Variants in SPAG16 observed in about 807,000 individuals in gnomAD.
SPAG16 encodes sperm-associated antigen 16 protein.
Under a neutral mutation model 80.4 loss-of-function variants are expected in SPAG16, and 86 were observed. The observed-to-expected ratio is 1.07, with a 90% CI of 0.90 to 1.28. The LOEUF (loss-of-function observed/expected upper bound fraction) is 1.28, where lower values mean the gene tolerates loss of function less well. Ranked by LOEUF, SPAG16 falls within the 50% of genes most tolerant of loss-of-function variation. The probability of loss-of-function intolerance (pLI) is 0.00; values close to 1 mark genes in which losing one functional copy is unlikely to be tolerated. For missense variants in SPAG16, 870 were observed against 765.3 expected (o/e 1.14, Z -1.61); for synonymous variants, 294 against 265.9 (o/e 1.11, Z -1.03).
At chr2:214,346,387 G>A (rs1168979089) in intron 15 of SPAG16, among the ~76,000 whole-genome samples, 1 of 152,124 alleles carries the variant, frequency 6.6e-6, no homozygotes, top group Non-Finnish European at 1.5e-5. Flanking sequence ...CTATTATGAA[G>A]AATGCCTGAT....
intron 7 of SPAG16, among the ~76,000 whole-genome samples, chr2:213,357,468 A>G (rs2065723189): frequency 6.6e-6 from 1 of 152,182 alleles, no homozygotes; most frequent in African/African-American, 2.4e-5. Flanking sequence ...TATTTAGGAT[A>G]GTTGGCTCTT....
intron 10 of SPAG16, among the ~76,000 whole-genome samples, chr2:213,797,946 A>AGT (rs1026092240): frequency 7.9e-5 from 12 of 152,314 alleles, no homozygotes; most frequent in Non-Finnish European, 1.0e-4. Flanking sequence ...GCAATGTATG[A>AGT]GTGTTCCACC....
At chr2:213,689,399 C>G (rs769527371) in intron 10 of SPAG16, among the ~76,000 whole-genome samples, 6 of 151,938 alleles carry the variant, frequency 3.9e-5, no homozygotes, top group African/African-American at 4.8e-5. Flanking sequence ...GTGAGTTTTA[C>G]TTTTTGGGTA....
chr2:214,372,760 A>G (rs1699902600), intron 15 of SPAG16, among the ~76,000 whole-genome samples: 1 of 152,214 alleles, frequency 6.6e-6, no homozygotes, highest in African/African-American at 2.4e-5. Context: ...GAAATGGGAT[A>G]TATGTATATA....
At chr2:214,276,515 G>C (rs1692471951) in intron 15 of SPAG16, among the ~76,000 whole-genome samples, 1 of 152,150 alleles carries the variant, frequency 6.6e-6, no homozygotes, top group African/African-American at 2.4e-5. Flanking sequence ...CTCAGCATTT[G>C]CTTCTCTGTA....
chr2:213,731,460 G>GTT (rs986357991), intron 10 of SPAG16, among the ~76,000 whole-genome samples: 9 of 24,530 alleles, frequency 3.7e-4, no homozygotes, highest in Non-Finnish European at 1.9e-3. Flanking sequence ...ATGTCCAGCT[G>GTT]TTTTTTTTTT....
At chr2:213,822,543 G>T (rs1280961264) in intron 10 of SPAG16, among the ~76,000 whole-genome samples, 1 of 152,064 alleles carries the variant, frequency 6.6e-6, no homozygotes, top group Non-Finnish European at 1.5e-5. Flanking sequence ...GATGTGATCT[G>T]ATTTGTTTAC....
chr2:214,410,177 C>G lies in SPAG16; in HGVS notation c.1758C>G (p.Ile586Met). ...CTCAGGCAAGTGGCAATGGTGTTATCCATTTGCTAGATCTTAAATCTGGGG... is the reference window on the plus strand; with the variant it reads ...CTCAGGCAAGTGGCAATGGTGTTATGCATTTGCTAGATCTTAAATCTGGGG... ...VLAQASGNGVIHLLDLKSGEI... is the reference protein window; with the variant it reads ...VLAQASGNGVMHLLDLKSGEI... Residue 586 changes from isoleucine to methionine, a missense_variant, in exon 16 of 16, where the codon ATC becomes ATG. Coordinates refer to ENST00000331683, the MANE Select transcript of SPAG16 (RefSeq NM_024532.5). 1 of 1,613,830 alleles carries G rather than the reference C, an allele frequency of 6.2e-7. No homozygotes were observed. Among genetic ancestry groups the G allele is most frequent in the East Asian group, 2.2e-5 (1 of 44,872 alleles).
At chr2:213,689,020 C>A (rs2064816866) in intron 10 of SPAG16, among the ~76,000 whole-genome samples, 1 of 152,122 alleles carries the variant, frequency 6.6e-6, no homozygotes, top group Non-Finnish European at 1.5e-5. Flanking sequence ...AGTGCAGTGG[C>A]TCGATCTTGG....
At position 213,350,539 on chromosome 2, in the gene SPAG16, A is replaced by G; in HGVS notation, c.656A>G (p.His219Arg). 1 of 1,563,834 alleles carries G rather than the reference A, an allele frequency of 6.4e-7. No homozygotes were observed. Among genetic ancestry groups the G allele is most frequent in the South Asian group, 1.2e-5 (1 of 82,300 alleles). ...LINDLKGLKLHYASYEPTIRV... is the reference protein window; with the variant it reads ...LINDLKGLKLRYASYEPTIRV... Reference sequence around the variant, plus strand: ...TTTATTTTTTATAGGTTGAAGTTACATTATGCATCTTATGAACCGACTATA... The same window carrying G: ...TTTATTTTTTATAGGTTGAAGTTACGTTATGCATCTTATGAACCGACTATA... The change falls in exon 7 of 16, where the codon CAT becomes CGT. Residue 219 changes from histidine to arginine, a missense_variant. Transcript: ENST00000331683.
intron 10 of SPAG16, among the ~76,000 whole-genome samples, chr2:213,558,674 A>G (rs2059508358): frequency 1.3e-5 from 2 of 152,116 alleles, no homozygotes; most frequent in Non-Finnish European, 2.9e-5. Context: ...TGTCATAAAG[A>G]TATAAATCAG....
intron 14 of SPAG16, among the ~76,000 whole-genome samples, chr2:214,135,240 C>T (rs2054985807): frequency 6.6e-6 from 1 of 152,162 alleles, no homozygotes; most frequent in Non-Finnish European, 1.5e-5. Context: ...AATTGTTTTT[C>T]TTCCTCTTGG....
At chr2:214,151,734 C>T (rs772635445) in intron 15 of SPAG16, among the ~76,000 whole-genome samples, 4 of 151,518 alleles carry the variant, frequency 2.6e-5, no homozygotes, top group South Asian at 2.1e-4. Flanking sequence ...ATACACCTAG[C>T]GTGTTATTTG....
chr2:213,304,974 C>T (rs1213838593), intron 3 of SPAG16, among the ~76,000 whole-genome samples: 1 of 152,120 alleles, frequency 6.6e-6, no homozygotes, highest in African/African-American at 2.4e-5. Context: ...ATAGTATTGA[C>T]ATTTTGGCAG....
At chr2:214,033,617 A>C (rs1247713230) in intron 13 of SPAG16, among the ~76,000 whole-genome samples, 1 of 152,198 alleles carries the variant, frequency 6.6e-6, no homozygotes, top group Admixed American at 6.5e-5. Context: ...GTCCAGTCTT[A>C]CCAAAAAGTT....
intron 10 of SPAG16, among the ~76,000 whole-genome samples, chr2:213,760,654 TTAAG>T (rs1440644635): frequency 6.6e-6 from 1 of 152,208 alleles, no homozygotes; most frequent in African/African-American, 2.4e-5. Context: ...ACTTCATAAA[TTAAG>T]TCTCATTAGA....
intron 13 of SPAG16, among the ~76,000 whole-genome samples, chr2:214,043,566 G>A (rs1215181580): frequency 6.6e-6 from 1 of 151,966 alleles, no homozygotes; most frequent in African/African-American, 2.4e-5. Flanking sequence ...ATAATTGTCA[G>A]AAAAATTGAT....
intron 13 of SPAG16, among the ~76,000 whole-genome samples, chr2:214,096,279 CAA>C (rs3043745): frequency 6.8e-6 from 1 of 147,142 alleles, no homozygotes; most frequent in Non-Finnish European, 1.5e-5. Flanking sequence ...TTTTTTAATG[CAA>C]AAAAAAAATG....
intron 15 of SPAG16, among the ~76,000 whole-genome samples, chr2:214,204,982 A>T (rs1032344319): frequency 6.6e-6 from 1 of 152,224 alleles, no homozygotes; most frequent in Non-Finnish European, 1.5e-5. Context: ...CAATCCCAGC[A>T]CTTTGGGAGG....
Sources: allele counts gnomAD v4.1 joint callset (sites outside exome capture counted in the v4.1 genomes callset), GRCh38; gene constraint gnomAD v4.1.1; transcripts MANE v1.5; gene names NCBI Gene and HGNC (gene_info 2026-07-23, HGNC 2026-07-21).